Variants in HSPH1 observed in about 807,000 individuals in gnomAD.
HSPH1 encodes the protein heat shock protein family H (Hsp110) member 1.
Under a neutral mutation model 100.0 loss-of-function variants are expected in HSPH1, and 40 were observed. The ratio of observed to expected loss-of-function variants is 0.40; its 90% confidence interval spans 0.31 to 0.52. The LOEUF is 0.52. Among genes scored for constraint, HSPH1 ranks in the 20% least tolerant of loss-of-function variants. The probability of loss-of-function intolerance (pLI) is 0.54; values close to 1 mark genes in which losing one functional copy is unlikely to be tolerated. For missense variants in HSPH1, 876 were observed against 1,015.1 expected (o/e 0.86, Z 1.86); for synonymous variants, 403 against 344.0 (o/e 1.17, Z -1.90).
At chr13:31,140,738 G>A (rs117205525) in intron 13 of HSPH1, 6,167 of 172,986 alleles carry the variant, frequency 0.036, 157 homozygotes, top group Admixed American at 0.068. Context: ...TAAATACGAT[G>A]TTCCCACCTC....
intron 11 of HSPH1, 85 bp downstream of exon 11, chr13:31,145,478 A>T: frequency 3.1e-6 from 3 of 977,546 alleles, no homozygotes; most frequent in Non-Finnish European, 4.6e-6. Flanking sequence ...GAAAACATTC[A>T]TTTTAACCCT....
Position 31,139,120 on chromosome 13 carries a change from T to C in HSPH1, c.1981-13A>G, listed in dbSNP as rs1398452146. On this transcript the variant is annotated splice_polypyrimidine_tract_variant and intron_variant, in intron 14 of 17. Transcript: ENST00000320027. Reference sequence around the variant, plus strand: ...AATTTTGATGATCCTTAACACAAAATATGACAATATTAGTGGCACTCGTAC... The same window carrying C: ...AATTTTGATGATCCTTAACACAAAACATGACAATATTAGTGGCACTCGTAC... 2 of 1,479,458 alleles carry C rather than the reference T, an allele frequency of 1.4e-6. No individual in the cohort carries two copies. Among genetic ancestry groups the C allele is most frequent in the Admixed American group, 1.7e-5 (1 of 59,632 alleles). 91.6% of individuals were successfully genotyped at this position (1,479,458 alleles called of 1,614,324 possible). A position where few individuals can be genotyped will look rare whatever the true frequency, so the allele number is the denominator to read the frequency against.
Position 31,138,801 on chromosome 13 carries a change from C to T in HSPH1, c.2188G>A (p.Ala730Thr). 1.2e-6 allele frequency: 2 copies of T among 1,608,324 alleles called. No individual in the cohort carries two copies. Among genetic ancestry groups the T allele is most frequent in the Non-Finnish European group, 1.7e-6 (2 of 1,178,370 alleles). The change falls in exon 16 of 18, where the codon GCA (alanine) becomes ACA (threonine). Residue 730 changes from alanine to threonine, a missense_variant. By Grantham distance (58) the Ala-to-Thr change is moderately conservative. Transcript: ENST00000320027. ...CTCACCTTATTTCTGAAGTCAGCTG[C>T]TATCTTGGCATAATGCTGCAGCCTC... is the stretch of plus-strand genomic sequence containing the variant. ...GQRLQHYAKI[A>T]ADFRNKDEKY...
chr13:31,138,518 C>T lies in HSPH1; in HGVS notation c.2259G>A (p.Lys753=). 6.2e-7 allele frequency: 1 copy of T among 1,612,992 alleles called. No individual in the cohort carries two copies. Among genetic ancestry groups the T allele is most frequent in the African/African-American group, 1.3e-5 (1 of 74,974 alleles). The change falls in exon 17 of 18, where the codon AAG becomes AAA. Residue 753 remains lysine (K), a synonymous_variant. Transcript: ENST00000320027. ...IDESEMKKVE[K]SVNEVMEWMN... is the part of the protein sequence containing the mutation. The stretch of plus-strand genomic sequence containing the variant: ...TCCATTCCATCACTTCATTAACAGA[C>T]TTCTCCACTTTTTTCATTTCAGACT...
intron 10 of HSPH1, 115 bp from the exon 11 acceptor site, chr13:31,145,883 G>T: frequency 1.2e-6 from 1 of 847,356 alleles, no homozygotes; most frequent in Non-Finnish European, 1.9e-6. Context: ...ACTTTGGGAG[G>T]CCGTGGTGGG....
chr13:31,143,373 C>T (rs563055226), intron 12 of HSPH1, among the ~76,000 whole-genome samples: 6 of 151,960 alleles, frequency 3.9e-5, no homozygotes, highest in African/African-American at 7.2e-5. Flanking sequence ...TAAATTTGAC[C>T]GATGGCTTGA....
Position 31,149,993 on chromosome 13 carries a change from G to T in HSPH1, c.1098C>A (p.Leu366=), listed in dbSNP as rs771438544. 8.1e-6 allele frequency: 13 copies of T among 1,613,608 alleles called. No homozygotes were observed. The African/African-American group carries it at 1.6e-4, about 20-fold the overall frequency. Residue 366 remains leucine, a synonymous_variant, in exon 8 of 18, where the codon CTC becomes CTA. Coordinates refer to ENST00000320027, the MANE Select transcript of HSPH1 (RefSeq NM_006644.4). The part of the protein sequence containing the change: ...KFFGKDISTT[L]NADEAVARGC... ...CTCTGGCTACTGCTTCATCTGCATT[G>T]AGTGTTGTGCTAATATCTTTTCCAA... is the stretch of plus-strand genomic sequence containing the variant.
chr13:31,139,288 T>C (rs1268152150), intron 14 of HSPH1, 181 bp from the exon 15 acceptor site: 3 of 573,932 alleles, frequency 5.2e-6, no homozygotes, highest in Non-Finnish European at 9.3e-6. Flanking sequence ...ATATTTTATC[T>C]TAGAAGCCCA....
rs1480570072 is a variant in HSPH1, at chr13:31,155,598, T to C, written c.222A>G (p.Ala74=). 1 of 1,611,676 alleles carries C rather than the reference T, an allele frequency of 6.2e-7. No individual in the cohort carries two copies. The highest frequency in any genetic ancestry group is 8.5e-7 in the Non-Finnish European group (1 of 1,178,212). ...VSNFKRFHGR[A]FNDPFIQKEK... ...CCTTTTGAATGAAGGGGTCATTGAA[T>C]GCTCGGCCATGAAATCTTTTGAAGT... is the stretch of plus-strand genomic sequence containing the variant. Residue 74 remains alanine (A), a synonymous_variant, in exon 3 of 18, where the codon GCA becomes GCG. Transcript: ENST00000320027.
chr13:31,152,820 T>C (rs1465429637), intron 5 of HSPH1, 32 bp downstream of exon 5: 1 of 1,350,574 alleles, frequency 7.4e-7, no homozygotes, highest in Non-Finnish European at 1.1e-6. Flanking sequence ...TCTGATAGTA[T>C]ATTCACTTCC....
At chr13:31,158,659 A>C in intron 2 of HSPH1, 147 bp downstream of exon 2, 2 of 566,524 alleles carry the variant, frequency 3.5e-6, no homozygotes, top group Non-Finnish European at 6.5e-6. Context: ...CATCATCTGA[A>C]GGTTCATAAA....
chr13:31,150,461 CAG>C (rs904035151), intron 7 of HSPH1, among the ~76,000 whole-genome samples: 3 of 152,290 alleles, frequency 2.0e-5, no homozygotes, highest in East Asian at 1.9e-4. Context: ...CCCCCTGACA[CAG>C]AGTCTTGCTG....
At position 31,134,978 on chromosome 13, in the gene HSPH1, T is replaced by C. The variant is rs1372467159; in HGVS notation, c.*2340A>G. The C allele has an allele frequency of 6.6e-6, 1 of 152,218 alleles. No individual in the cohort carries two copies. The highest frequency in any genetic ancestry group is 1.5e-5 in the Non-Finnish European group (1 of 68,028). The allele number at this position is 152,218 out of a possible 1,614,324, so 9.4% of individuals were successfully genotyped here. On this transcript the variant is annotated 3_prime_UTR_variant, in exon 18 of 18. Coordinates refer to ENST00000320027, the MANE Select transcript of HSPH1 (RefSeq NM_006644.4). ...AAGTAGACTCAAAATTCAACTGTTA[T>C]TAAAAATGGACGTTGTTTAGAAATA... is the stretch of plus-strand genomic sequence containing the variant.
chr13:31,144,271 C>T (rs1248450349), intron 11 of HSPH1, among the ~76,000 whole-genome samples: 1 of 152,140 alleles, frequency 6.6e-6, no homozygotes, highest in Non-Finnish European at 1.5e-5. Flanking sequence ...TTACTCCAGG[C>T]CTCTTTCCTA....
chr13:31,155,643 A>G lies in HSPH1; in HGVS notation c.177T>C (p.His59=), dbSNP rs776536919. 4.4e-6 allele frequency: 7 copies of G among 1,596,286 alleles called. No individual in the cohort carries two copies. Among genetic ancestry groups the G allele is most frequent in the Non-Finnish European group, 6.0e-6 (7 of 1,172,144 alleles). ...GVAAKNQQIT[H]ANNTVSNFKR... ...TGAAGTTAGACACCGTATTGTTTGC[A>G]TGAGTGATTTGCTGCAAAAAGAAGT... Residue 59 remains histidine, a synonymous_variant, in exon 3 of 18, where the codon CAT becomes CAC. Coordinates refer to ENST00000320027, the MANE Select transcript of HSPH1 (RefSeq NM_006644.4).
At position 31,161,786 on chromosome 13, in the gene HSPH1, C is replaced by T; in HGVS notation, c.-204G>A. The T allele has an allele frequency of 6.7e-7, 1 of 1,497,368 alleles. No homozygotes were observed. The highest frequency in any genetic ancestry group is 8.9e-7 in the Non-Finnish European group (1 of 1,124,276). The allele number at this position is 1,497,368 out of a possible 1,614,324, so 92.8% of individuals were successfully genotyped here. On this transcript the variant is annotated 5_prime_UTR_variant, in exon 1 of 18. Transcript: ENST00000320027. The stretch of plus-strand genomic sequence containing the variant: ...CTCCCCCGGGGACAGCGGCGGCTGG[C>T]TGATAAGAAACCCTGGGAGAAAGCG...
At chr13:31,161,286 C>G (rs1252209242) in intron 1 of HSPH1, among the ~76,000 whole-genome samples, 190 bp downstream of exon 1, 1 of 152,200 alleles carries the variant, frequency 6.6e-6, no homozygotes, top group Non-Finnish European at 1.5e-5. Flanking sequence ...AATCCCTTCT[C>G]CAATTTGTGA....
At chr13:31,141,681 T>A (rs1956095633) in intron 12 of HSPH1, among the ~76,000 whole-genome samples, 1 of 152,064 alleles carries the variant, frequency 6.6e-6, no homozygotes, top group South Asian at 2.1e-4. Flanking sequence ...TCCTGTAATA[T>A]TAAAGGCCCT....
intron 2 of HSPH1, among the ~76,000 whole-genome samples, chr13:31,157,310 G>A (rs1956734232): frequency 6.6e-6 from 1 of 152,164 alleles, no homozygotes; most frequent in Non-Finnish European, 1.5e-5. Flanking sequence ...TACAACTAAA[G>A]TCCCACTATC....
Sources: gnomAD v4.1 joint callset for allele counts (sites outside exome capture counted in the v4.1 genomes callset) on GRCh38, gnomAD v4.1.1 for gene constraint, MANE v1.5 for transcripts, NCBI Gene and HGNC (gene_info 2026-07-23, HGNC 2026-07-21) for gene names.